COL26A1: variants seen among roughly 807,000 people sequenced by gnomAD.
The protein encoded by COL26A1 is collagen alpha-1(XXVI) chain.
Under a neutral mutation model 59.3 loss-of-function variants are expected in COL26A1, and 41 were observed. The observed-to-expected ratio is 0.69, with a 90% CI of 0.54 to 0.90. The LOEUF (loss-of-function observed/expected upper bound fraction) is 0.90. Among genes scored for constraint, COL26A1 ranks in the 40% least tolerant of loss-of-function variants. The pLI, the probability that COL26A1 is intolerant of heterozygous loss-of-function variation, is 0.00. For synonymous variants in COL26A1, 266 were observed against 256.0 expected (o/e 1.04, Z -0.37); for missense variants, 612 against 602.3 (o/e 1.02, Z -0.17).
At chr7:101,444,540 G>A (rs909160920) in intron 2 of COL26A1, among the ~76,000 whole-genome samples, 4 of 151,492 alleles carry the variant, frequency 2.6e-5, no homozygotes, top group South Asian at 4.1e-4. Flanking sequence ...TCAACCTCCC[G>A]AGTAGCTGGG....
chr7:101,472,505 C>T (rs574787628), intron 3 of COL26A1, among the ~76,000 whole-genome samples: 1 of 152,268 alleles, frequency 6.6e-6, no homozygotes, highest in East Asian at 1.9e-4. Context: ...AAGATGGAGT[C>T]ACTCTGGTTG....
At chr7:101,385,367 G>GTGTATATATATATATATATATATATATA in intron 1 of COL26A1, among the ~76,000 whole-genome samples, 2 of 137,020 alleles carry the variant, frequency 1.5e-5, no homozygotes, top group East Asian at 2.1e-4. Context: ...ATATATGTGT[G>GTGTATATATATATATATATATATATATA]TATATATATA....
At chr7:101,525,924 G>A (rs954602543) in intron 3 of COL26A1, among the ~76,000 whole-genome samples, 4 of 152,210 alleles carry the variant, frequency 2.6e-5, no homozygotes, top group Admixed American at 2.6e-4. Context: ...CTCTCAATGG[G>A]ATTTTGATAA....
intron 2 of COL26A1, among the ~76,000 whole-genome samples, chr7:101,428,144 C>T (rs564634997): frequency 6.6e-6 from 1 of 151,992 alleles, no homozygotes; most frequent in South Asian, 2.1e-4. Context: ...CAGAGAGAAG[C>T]CCTCTGAAAG....
intron 3 of COL26A1, among the ~76,000 whole-genome samples, chr7:101,466,837 T>TGAGAGAGA (rs1554416674): frequency 2.7e-4 from 33 of 122,714 alleles, no homozygotes; most frequent in African/African-American, 1.0e-3. Flanking sequence ...TGTGTGTGTG[T>TGAGAGAGA]GAGAGAGAGA....
In COL26A1 at chr7:101,387,778, A is replaced by ATATTTTTT. The variant is rs773025730; in HGVS notation, c.158+24589_158+24590insATTTTTTT. ...TTTATATATATATATATATATATATATTTTTTTTTAAGACAGAGTCTCACT... is the reference window on the plus strand; with the variant it reads ...TTTATATATATATATATATATATATATATTTTTTTTTTTTTTTAAGACAGAGTCTCACT... On this transcript the variant is annotated intron_variant, in intron 1 of 12. Transcript: ENST00000313669. 1.1e-3 allele frequency among the ~76,000 whole-genome samples: 93 copies of ATATTTTTT among 84,794 alleles called. 2 individuals are homozygous for ATATTTTTT. The highest frequency in any genetic ancestry group is 4.4e-3 in the African/African-American group (88 of 20,110). The allele number at this position is 84,794 out of a possible 152,430, so 55.6% of individuals were successfully genotyped here. A position where few individuals can be genotyped will look rare whatever the true frequency, so the allele number is the denominator to read the frequency against.
Position 101,540,033 on chromosome 7 carries a change from G to T in COL26A1, c.588G>T (p.Arg196Ser), listed in dbSNP as rs530804257. The T allele has an allele frequency of 6.2e-7, 1 of 1,612,692 alleles. No individual in the cohort carries two copies. Among genetic ancestry groups the T allele is most frequent in the East Asian group, 2.2e-5 (1 of 44,842 alleles). Residue 196 changes from arginine (R) to serine (S), a missense_variant, in exon 5 of 13, where the codon AGG becomes AGT. Physicochemically the swap from Arg to Ser is moderately radical, Grantham distance 110 (BLOSUM62 -1). Coordinates refer to ENST00000313669, the MANE Select transcript of COL26A1 (RefSeq NM_001278563.3). ...PLAHPVPRQR[R>S]PTGPAGPPGQ... Reference sequence around the variant, plus strand: ...CTCACCCTGTGCCACGACAGAGAAGGCCCACGGGCCCAGCCGGTGAGTGAG... The same window carrying T: ...CTCACCCTGTGCCACGACAGAGAAGTCCCACGGGCCCAGCCGGTGAGTGAG...
At chr7:101,513,247 A>G (rs1371816694) in intron 3 of COL26A1, among the ~76,000 whole-genome samples, 1 of 151,926 alleles carries the variant, frequency 6.6e-6, no homozygotes, top group Non-Finnish European at 1.5e-5. Flanking sequence ...ACCTCAAGTG[A>G]TCCACCCTCC....
intron 1 of COL26A1, among the ~76,000 whole-genome samples, chr7:101,408,019 TCTG>T (rs1417443759): frequency 6.6e-6 from 1 of 152,190 alleles, no homozygotes; most frequent in East Asian, 1.9e-4. Context: ...GAGCAGAACG[TCTG>T]CTGCTGCTGT....
At chr7:101,403,041 G>C (rs571999703) in intron 1 of COL26A1, among the ~76,000 whole-genome samples, 28 of 151,840 alleles carry the variant, frequency 1.8e-4, no homozygotes, top group African/African-American at 6.5e-4. Flanking sequence ...ATGGGGTCTC[G>C]CTGTATTGCC....
intron 2 of COL26A1, among the ~76,000 whole-genome samples, chr7:101,436,022 C>G (rs1792906159): frequency 6.6e-6 from 1 of 152,208 alleles, no homozygotes; most frequent in Non-Finnish European, 1.5e-5. Context: ...CCTGCCTCTC[C>G]TCCTTAGCGG....
chr7:101,545,203 T>C (rs1442417335), intron 6 of COL26A1, 135 bp from the exon 7 acceptor site: 13 of 703,066 alleles, frequency 1.8e-5, no homozygotes, highest in Non-Finnish European at 2.7e-5. Context: ...AGACTGTGGA[T>C]CGGAGGTCAC....
At chr7:101,512,540 T>G (rs1205575135) in intron 3 of COL26A1, among the ~76,000 whole-genome samples, 1 of 152,088 alleles carries the variant, frequency 6.6e-6, no homozygotes, top group Non-Finnish European at 1.5e-5. Context: ...GAGGGTCGCC[T>G]GAGTCCAGGA....
At chr7:101,455,041 C>CTTTT (rs56039517) in intron 3 of COL26A1, among the ~76,000 whole-genome samples, 1 of 134,040 alleles carries the variant, frequency 7.5e-6, no homozygotes, top group African/African-American at 2.8e-5. Flanking sequence ...TTTTCTTTAT[C>CTTTT]TTTTTTTTTT....
At chr7:101,418,794 G>A (rs1471317294) in intron 1 of COL26A1, among the ~76,000 whole-genome samples, 2 of 152,094 alleles carry the variant, frequency 1.3e-5, no homozygotes. Flanking sequence ...ATGGGGATGG[G>A]AGGAGGAGGT....
At chr7:101,486,321 C>T (rs1347221932) in intron 3 of COL26A1, among the ~76,000 whole-genome samples, 1 of 152,240 alleles carries the variant, frequency 6.6e-6, no homozygotes, top group Non-Finnish European at 1.5e-5. Flanking sequence ...GTTCATTCCA[C>T]GTCCCCCCCA....
intron 3 of COL26A1, among the ~76,000 whole-genome samples, chr7:101,519,964 G>T (rs1795106510): frequency 6.6e-6 from 1 of 152,064 alleles, no homozygotes; most frequent in Non-Finnish European, 1.5e-5. Flanking sequence ...GCAGCCAGAT[G>T]CCCTGGTTCC....
intron 1 of COL26A1, among the ~76,000 whole-genome samples, chr7:101,388,477 AACAG>A (rs142024771): frequency 0.061 from 9,305 of 151,914 alleles, 654 homozygotes; most frequent in African/African-American, 0.16. Context: ...CTGTCTCAAA[AACAG>A]ACAAACAAAA....
At position 101,400,351 on chromosome 7, in the gene COL26A1, C is replaced by CTTTTTTTTTTTTTTTTTTTTT. The variant is rs1387032420; in HGVS notation, c.159-19625_159-19624insTTTTTTTTTTTTTTTTTTTTT. ...GTCCACACTGCCTTTCTTTTTTTTC[C>CTTTTTTTTTTTTTTTTTTTTT]TATTTTTTTTTTTTTTTTTTTTTTT... is the stretch of plus-strand genomic sequence containing the variant. On this transcript the variant is annotated intron_variant, in intron 1 of 12. Transcript: ENST00000313669. Among the ~76,000 whole-genome samples, 15 of 123,352 alleles carry CTTTTTTTTTTTTTTTTTTTTT rather than the reference C, an allele frequency of 1.2e-4. 6 individuals are homozygous for CTTTTTTTTTTTTTTTTTTTTT. Among genetic ancestry groups the CTTTTTTTTTTTTTTTTTTTTT allele is most frequent in the Non-Finnish European group, 1.5e-4 (9 of 59,072 alleles). 80.9% of individuals were successfully genotyped at this position (123,352 alleles called of 152,430 possible). A position where few individuals can be genotyped will look rare whatever the true frequency, so the allele number is the denominator to read the frequency against.
Sources: allele counts gnomAD v4.1 joint callset (sites outside exome capture counted in the v4.1 genomes callset), GRCh38; gene constraint gnomAD v4.1.1; transcripts MANE v1.5; gene names NCBI Gene and HGNC (gene_info 2026-07-23, HGNC 2026-07-21).